RNF26: variants seen among roughly 807,000 people sequenced by gnomAD.
RNF26 encodes the protein E3 ubiquitin-protein ligase RNF26.
Under a neutral mutation model 25.4 loss-of-function variants are expected in RNF26, and 8 were observed. The observed-to-expected ratio is 0.31, with a 90% CI of 0.18 to 0.57. RNF26 has a LOEUF of 0.57. Among genes scored for constraint, RNF26 ranks in the 20% least tolerant of loss-of-function variants. The pLI, the probability that RNF26 is intolerant of heterozygous loss-of-function variation, is 0.90. For missense variants in RNF26, 470 were observed against 552.0 expected (o/e 0.85, Z 1.49); for synonymous variants, 262 against 246.7 (o/e 1.06, Z -0.58).
rs1009845910 is a variant in RNF26 at position 119,335,070 on chromosome 11, C to T, written c.-53C>T. On this transcript the variant is annotated 5_prime_UTR_variant, in exon 1 of 1. Transcript: ENST00000311413. Reference sequence around the variant, plus strand: ...CCTAAAATATTGACAACCTTGACAACCCCCCAACCGAGGAGCCAGACTTTG... The same window carrying T: ...CCTAAAATATTGACAACCTTGACAATCCCCCAACCGAGGAGCCAGACTTTG... 1.4e-6 allele frequency: 2 copies of T among 1,438,440 alleles called. No homozygotes were observed. The highest frequency in any genetic ancestry group is 1.9e-6 in the Non-Finnish European group (2 of 1,036,556). The allele number at this position is 1,438,440 out of a possible 1,614,324, so 89.1% of individuals were successfully genotyped here.
chr11:119,336,858 G>C lies in RNF26; in HGVS notation c.*434G>C. 4.9e-6 allele frequency: 1 copy of C among 202,714 alleles called. No individual in the cohort carries two copies. The highest frequency in any genetic ancestry group is 1.1e-5 in the Non-Finnish European group (1 of 88,522). The allele number at this position is 202,714 out of a possible 1,614,324, so 12.6% of individuals were successfully genotyped here. On this transcript the variant is annotated 3_prime_UTR_variant, in exon 1 of 1. Transcript: ENST00000311413. ...GTCATTTGGGTGTTTTGGCAACTCAGGGGCCTTCGGATGATCTTAAACCTT... is the reference window on the plus strand; with the variant it reads ...GTCATTTGGGTGTTTTGGCAACTCACGGGCCTTCGGATGATCTTAAACCTT...
In RNF26 at chr11:119,335,133, T is replaced by C. The variant is rs773131555; in HGVS notation, c.11T>C (p.Val4Ala). 1.2e-6 allele frequency: 2 copies of C among 1,613,248 alleles called. No individual in the cohort carries two copies. MEA[V>A]YLVVNGLGLV... ...TTCCATAGCCCTATCATGGAGGCAG[T>C]GTACCTGGTAGTGAATGGGTTGGGC... The change falls in exon 1 of 1, where the codon GTG (valine) becomes GCG (alanine). Residue 4 changes from valine to alanine, a missense_variant. Val to Ala is a moderately conservative substitution (Grantham distance 64, BLOSUM62 0). Transcript: ENST00000311413.
rs144926793 is a variant in RNF26 at position 119,337,259 on chromosome 11, G to C, written c.*835G>C. On this transcript the variant is annotated 3_prime_UTR_variant, in exon 1 of 1. Coordinates refer to ENST00000311413, the MANE Select transcript of RNF26 (RefSeq NM_032015.5). ...CCAGGGCCCAGGGGCTTGCAGCTTCGTGAGGGGTCTCTGGCCCAGTTTCCA... is the reference window on the plus strand; with the variant it reads ...CCAGGGCCCAGGGGCTTGCAGCTTCCTGAGGGGTCTCTGGCCCAGTTTCCA... 285 of 169,482 alleles carry C rather than the reference G, an allele frequency of 1.7e-3. 3 individuals carry two copies. Among genetic ancestry groups the C allele is most frequent in the East Asian group, 0.013 (67 of 5,202 alleles). 10.5% of individuals were successfully genotyped at this position (169,482 alleles called of 1,614,324 possible). A position where few individuals can be genotyped will look rare whatever the true frequency, so the allele number is the denominator to read the frequency against.
At position 119,334,745 on chromosome 11, in the gene RNF26, G is replaced by GATCCC. The variant is rs1950429663; in HGVS notation, c.-375_-371dup. On this transcript the variant is annotated 5_prime_UTR_variant, in exon 1 of 1. Transcript: ENST00000311413. ...GACCCGACGCGACCCGATCCGATCC[G>GATCCC]ATCCCATTCCATCCGTTCCTCGTCT... The GATCCC allele has an allele frequency of 3.6e-6, 1 of 275,168 alleles. No homozygotes were observed. The highest frequency in any genetic ancestry group is 7.0e-6 in the Non-Finnish European group (1 of 143,790). The allele number at this position is 275,168 out of a possible 1,614,324, so 17.0% of individuals were successfully genotyped here.
In RNF26 at chr11:119,335,385, A is replaced by G; in HGVS notation, c.263A>G (p.Tyr88Cys). Reference sequence around the variant, plus strand: ...TTGCAGGCCTTGTGTACTCTGCTGTATAGCTGCTGCTCTGGCCTAGAGAGC... The same window carrying G: ...TTGCAGGCCTTGTGTACTCTGCTGTGTAGCTGCTGCTCTGGCCTAGAGAGC... The part of the protein sequence containing the change: ...GGLQALCTLL[Y>C]SCCSGLESLK... Residue 88 changes from tyrosine (Y) to cysteine (C), a missense_variant, in exon 1 of 1, where the codon TAT (tyrosine) becomes TGT (cysteine). Transcript: ENST00000311413. 6.2e-7 allele frequency: 1 copy of G among 1,614,110 alleles called. No homozygotes were observed. Among genetic ancestry groups the G allele is most frequent in the East Asian group, 2.2e-5 (1 of 44,864 alleles).
chr11:119,336,583 G>A lies in RNF26; in HGVS notation c.*159G>A. On this transcript the variant is annotated 3_prime_UTR_variant, in exon 1 of 1. Transcript: ENST00000311413. ...ACATTGAGTTGGAAGACTATGATCT[G>A]GGTGGGGGCAGGATAACATGGCTTC... 1 of 666,848 alleles carries A rather than the reference G, an allele frequency of 1.5e-6. No individual in the cohort carries two copies. Among genetic ancestry groups the A allele is most frequent in the Non-Finnish European group, 2.6e-6 (1 of 383,612 alleles). The allele number at this position is 666,848 out of a possible 1,614,324, so 41.3% of individuals were successfully genotyped here.
Position 119,336,301 on chromosome 11 carries a change from G to A in RNF26, c.1179G>A (p.Leu393=), listed in dbSNP as rs377187119. The change falls in exon 1 of 1, where the codon CTG becomes CTA. Residue 393 remains leucine, a synonymous_variant. Coordinates refer to ENST00000311413, the MANE Select transcript of RNF26 (RefSeq NM_032015.5). ...CQDQSKTVLL[L]PCRHLCLCQA... ...ACCAGAGCAAGACAGTGTTGCTCCT[G>A]CCCTGCCGGCATCTGTGCCTGTGCC... 1 of 1,613,332 alleles carries A rather than the reference G, an allele frequency of 6.2e-7. No homozygotes were observed. Among genetic ancestry groups the A allele is most frequent in the Non-Finnish European group, 8.5e-7 (1 of 1,180,026 alleles).
At position 119,336,313 on chromosome 11, in the gene RNF26, T is replaced by A; in HGVS notation, c.1191T>A (p.His397Gln). The A allele has an allele frequency of 6.2e-7, 1 of 1,613,224 alleles. No homozygotes were observed. The highest frequency in any genetic ancestry group is 1.1e-5 in the South Asian group (1 of 91,084). ...CAGTGTTGCTCCTGCCCTGCCGGCA[T>A]CTGTGCCTGTGCCAGGCCTGCACTG... ...SKTVLLLPCRHLCLCQACTEI... is the reference protein window; with the variant it reads ...SKTVLLLPCRQLCLCQACTEI... The change falls in exon 1 of 1, where the codon CAT (histidine) becomes CAA (glutamine). Residue 397 changes from histidine to glutamine, a missense_variant. His to Gln is a conservative substitution (Grantham distance 24). Transcript: ENST00000311413.
Position 119,336,600 on chromosome 11 carries a change from C to T in RNF26, c.*176C>T. The T allele has an allele frequency of 1.6e-6, 1 of 634,620 alleles. No homozygotes were observed. Among genetic ancestry groups the T allele is most frequent in the Admixed American group, 3.0e-5 (1 of 33,858 alleles). 39.3% of individuals were successfully genotyped at this position (634,620 alleles called of 1,614,324 possible). ...TATGATCTGGGTGGGGGCAGGATAA[C>T]ATGGCTTCTCTTTACCCAGTGGGTC... On this transcript the variant is annotated 3_prime_UTR_variant, in exon 1 of 1. Transcript: ENST00000311413.
Position 119,336,185 on chromosome 11 carries a change from A to C in RNF26, c.1063A>C (p.Arg355=). 6.2e-7 allele frequency: 1 copy of C among 1,614,122 alleles called. No individual in the cohort carries two copies. The highest frequency in any genetic ancestry group is 8.5e-7 in the Non-Finnish European group (1 of 1,180,030). The change falls in exon 1 of 1, where the codon AGG becomes CGG. Residue 355 remains arginine, a synonymous_variant. Coordinates refer to ENST00000311413, the MANE Select transcript of RNF26 (RefSeq NM_032015.5). ...AGTGACACCTGTCAGGGGCCGAGAG[A>C]GGCTCAATGAGGAGGAGCCTCCAGG... ...IRVTPVRGRE[R]LNEEEPPGGQ... is the part of the protein sequence containing the mutation.
chr11:119,335,112 A>G lies in RNF26; in HGVS notation c.-11A>G, dbSNP rs779148039. 3 of 1,607,784 alleles carry G rather than the reference A, an allele frequency of 1.9e-6. No homozygotes were observed. In the East Asian group the frequency reaches 6.7e-5, roughly 36 times the overall value. ...CAGACTTTGTTTTGGACTAACTTCC[A>G]TAGCCCTATCATGGAGGCAGTGTAC... On this transcript the variant is annotated 5_prime_UTR_variant, in exon 1 of 1. Transcript: ENST00000311413.
At position 119,335,734 on chromosome 11, in the gene RNF26, A is replaced by C. The variant is rs751328590; in HGVS notation, c.612A>C (p.Thr204=). ...TGGCCATGGCCATCCTCCTTTGGAC[A>C]CCCTGCCAACTAGCCCTGGAGCTGC... ...SAVAMAILLW[T]PCQLALELLA... The change falls in exon 1 of 1, where the codon ACA becomes ACC. Residue 204 remains threonine, a synonymous_variant. Transcript: ENST00000311413. The C allele has an allele frequency of 1.9e-6, 3 of 1,613,992 alleles. No homozygotes were observed. The African/African-American group carries it at 4.0e-5, about 22-fold the overall frequency.
rs765545811 is a variant in RNF26 at position 119,336,406 on chromosome 11, C to A, written c.1284C>A (p.Thr428=). The A allele has an allele frequency of 7.5e-6, 12 of 1,610,066 alleles. No individual in the cohort carries two copies. In the African/African-American group the frequency reaches 1.5e-4, roughly 20 times the overall value. Reference sequence around the variant, plus strand: ...TCTGCCGCCGGGGCATCCTGCAGACCCTCAATGTCTACCTCTGAAGCCTCC... The same window carrying A: ...TCTGCCGCCGGGGCATCCTGCAGACACTCAATGTCTACCTCTGAAGCCTCC... The part of the protein sequence containing the change: ...CPLCRRGILQ[T]LNVYL Residue 428 remains threonine (T), a synonymous_variant, in exon 1 of 1, where the codon ACC becomes ACA. Transcript: ENST00000311413.
At position 119,335,706 on chromosome 11, in the gene RNF26, C is replaced by G. The variant is rs888111145; in HGVS notation, c.584C>G (p.Ala195Gly). The G allele has an allele frequency of 6.2e-7, 1 of 1,614,132 alleles. No homozygotes were observed. The highest frequency in any genetic ancestry group is 8.5e-7 in the Non-Finnish European group (1 of 1,180,052). Residue 195 changes from alanine (A) to glycine (G), a missense_variant, in exon 1 of 1, where the codon GCT becomes GGT. Transcript: ENST00000311413. Reference protein sequence around the residue: ...AAFLAHISSSAVAMAILLWTP... With the variant: ...AAFLAHISSSGVAMAILLWTP... ...TTCCTAGCCCACATTTCCAGCAGTG[C>G]TGTGGCCATGGCCATCCTCCTTTGG... is the stretch of plus-strand genomic sequence containing the variant.
In RNF26 at chr11:119,336,493, C is replaced by A; in HGVS notation, c.*69C>A. ...CACTCACGCTAGGACAGCATTAACA[C>A]CTCATCTCCGGGTCCTGGTCTGAAT... On this transcript the variant is annotated 3_prime_UTR_variant, in exon 1 of 1. Coordinates refer to ENST00000311413, the MANE Select transcript of RNF26 (RefSeq NM_032015.5). The A allele has an allele frequency of 7.3e-7, 1 of 1,378,786 alleles. No individual in the cohort carries two copies. Among genetic ancestry groups the A allele is most frequent in the Non-Finnish European group, 1.0e-6 (1 of 991,106 alleles). 85.4% of individuals were successfully genotyped at this position (1,378,786 alleles called of 1,614,324 possible). A position where few individuals can be genotyped will look rare whatever the true frequency, so the allele number is the denominator to read the frequency against.
rs778141518 is a variant in RNF26, at chr11:119,336,155, A to C, written c.1033A>C (p.Ile345Leu). 2 of 1,614,216 alleles carry C rather than the reference A, an allele frequency of 1.2e-6. No homozygotes were observed. The highest frequency in any genetic ancestry group is 1.7e-6 in the Non-Finnish European group (2 of 1,180,040). The change falls in exon 1 of 1, where the codon ATC becomes CTC. Residue 345 changes from isoleucine (I) to leucine (L), a missense_variant. Physicochemically the swap from Ile to Leu is conservative, Grantham distance 5. Coordinates refer to ENST00000311413, the MANE Select transcript of RNF26 (RefSeq NM_032015.5). ...GGCAGAAGAGGAGGAGGCCAGGACC[A>C]TCAGAGTGACACCTGTCAGGGGCCG... Reference protein sequence around the residue: ...SEAEEEEARTIRVTPVRGRER... With the variant: ...SEAEEEEARTLRVTPVRGRER...
In RNF26 at chr11:119,336,421, C is replaced by T; in HGVS notation, c.1299C>T (p.Leu433=). 1 of 1,606,912 alleles carries T rather than the reference C, an allele frequency of 6.2e-7. No individual in the cohort carries two copies. The highest frequency in any genetic ancestry group is 8.5e-7 in the Non-Finnish European group (1 of 1,177,064). The change falls in exon 1 of 1, where the codon CTC becomes CTT. Residue 433 remains leucine, a synonymous_variant. Coordinates refer to ENST00000311413, the MANE Select transcript of RNF26 (RefSeq NM_032015.5). ...TCCTGCAGACCCTCAATGTCTACCT[C>T]TGAAGCCTCCTTCCCTGCCTGCCCA... ...RGILQTLNVY[L]
In RNF26 at chr11:119,335,035, T is replaced by C; in HGVS notation, c.-88T>C. On this transcript the variant is annotated 5_prime_UTR_variant, in exon 1 of 1. Coordinates refer to ENST00000311413, the MANE Select transcript of RNF26 (RefSeq NM_032015.5). The stretch of plus-strand genomic sequence containing the variant: ...ACTGCTCATTTTCCTTCCAAATTAA[T>C]CCCAGACCCCCTAAAATATTGACAA... The C allele has an allele frequency of 9.5e-7, 1 of 1,049,240 alleles. No homozygotes were observed. Among genetic ancestry groups the C allele is most frequent in the Non-Finnish European group, 1.4e-6 (1 of 703,388 alleles). The allele number at this position is 1,049,240 out of a possible 1,614,324, so 65.0% of individuals were successfully genotyped here.
chr11:119,334,872 T>G lies in RNF26; in HGVS notation c.-251T>G, dbSNP rs1950430264. 1.8e-6 allele frequency: 1 copy of G among 564,574 alleles called. No homozygotes were observed. Among genetic ancestry groups the G allele is most frequent in the Non-Finnish European group, 3.2e-6 (1 of 316,790 alleles). 35.0% of individuals were successfully genotyped at this position (564,574 alleles called of 1,614,324 possible). A position where few individuals can be genotyped will look rare whatever the true frequency, so the allele number is the denominator to read the frequency against. ...GGCTCGCCTTCGCTTTAGAGATGTT[T>G]GGCCTCTTCCCTCCCAAACAGCCCA... is the stretch of plus-strand genomic sequence containing the variant. On this transcript the variant is annotated 5_prime_UTR_variant, in exon 1 of 1. Transcript: ENST00000311413.
Sources: gnomAD v4.1 joint callset for allele counts on GRCh38, gnomAD v4.1.1 for gene constraint, MANE v1.5 for transcripts, NCBI Gene and HGNC (gene_info 2026-07-23, HGNC 2026-07-21) for gene names.